The following HDAC11 variants were observed in gnomAD, a reference collection of about 807,000 sequenced individuals.
HDAC11 encodes histone deacetylase 11.
In HDAC11, 23 loss-of-function variants were observed where a neutral mutation model predicts 41.1. That is an observed-to-expected ratio of 0.56 (90% confidence interval 0.40 to 0.79). HDAC11 has a LOEUF of 0.79. HDAC11 is among the 30% of genes least tolerant of loss of function. The pLI, the probability that HDAC11 is intolerant of heterozygous loss-of-function variation, is 0.00. For synonymous variants in HDAC11, 187 were observed against 186.6 expected, an observed-to-expected ratio of 1.00 and a Z score of -0.02; for missense variants, 402 against 477.3, an observed-to-expected ratio of 0.84 and a Z score of 1.47.
intron 3 of HDAC11, among the ~76,000 whole-genome samples, chr3:13,490,476 TG>T (rs1408775609): frequency 4.6e-5 from 7 of 152,168 alleles, no homozygotes; most frequent in Admixed American, 4.6e-4. Flanking sequence ...TCCATGAACA[TG>T]GGATGTCTTT....
At chr3:13,489,004 C>G (rs1701725901) in intron 3 of HDAC11, among the ~76,000 whole-genome samples, 1 of 151,942 alleles carries the variant, frequency 6.6e-6, no homozygotes, top group South Asian at 2.1e-4. Flanking sequence ...TACCTAATGG[C>G]TAATTAACAC....
rs999935237 is a variant in HDAC11 at position 13,480,656 on chromosome 3, C to T, written c.2+307C>T. The T allele has an allele frequency of 2.3e-6, 1 of 429,600 alleles. No homozygotes were observed. Among genetic ancestry groups the T allele is most frequent in the Non-Finnish European group, 4.7e-6 (1 of 211,138 alleles). The allele number at this position is 429,600 out of a possible 1,614,324, so 26.6% of individuals were successfully genotyped here. ...CCAGCCCCCTGGCTACGCGGACGCC[C>T]CCACGGAGGCAGCCACTGGGGCGGA... On this transcript the variant is annotated intron_variant, in intron 1 of 9. Coordinates refer to ENST00000295757, the MANE Select transcript of HDAC11 (RefSeq NM_024827.4). This position sits in a 1 kb window ranked among gnomAD's most constrained non-coding sequence, Gnocchi z 4.6.
Position 13,502,824 on chromosome 3 carries a change from C to T in HDAC11, c.553-60C>T. 1 of 1,373,144 alleles carries T rather than the reference C, an allele frequency of 7.3e-7. No homozygotes were observed. Among genetic ancestry groups the T allele is most frequent in the Non-Finnish European group, 1.0e-6 (1 of 968,672 alleles). 85.1% of individuals were successfully genotyped at this position (1,373,144 alleles called of 1,614,324 possible). ...AGTTTCCTGAGGGGTGGGTGGGTGG[C>T]AGAGCCCCAGCCTTGCCTAGGGCAC... On this transcript the variant is annotated intron_variant, in intron 7 of 9. Coordinates refer to ENST00000295757, the MANE Select transcript of HDAC11 (RefSeq NM_024827.4). The surrounding 1 kb of genome is among the most constrained non-coding windows in gnomAD (Gnocchi z 4.1).
chr3:13,480,342 C>T lies in HDAC11; in HGVS notation c.-6C>T, dbSNP rs1701242905. ...TGCGGCCAGCTTTGGGAGGGCCGGCCCCGGGATGTGAGTGCCGCGGGGCGA... is the reference window on the plus strand; with the variant it reads ...TGCGGCCAGCTTTGGGAGGGCCGGCTCCGGGATGTGAGTGCCGCGGGGCGA... On this transcript the variant is annotated 5_prime_UTR_variant, in exon 1 of 10. Transcript: ENST00000295757. This position sits in a 1 kb window ranked among gnomAD's most constrained non-coding sequence, Gnocchi z 4.6. The T allele has an allele frequency of 1.6e-6, 2 of 1,222,568 alleles. No individual in the cohort carries two copies. The highest frequency in any genetic ancestry group is 4.0e-5 in the South Asian group (1 of 25,180). 75.7% of individuals were successfully genotyped at this position (1,222,568 alleles called of 1,614,324 possible).
chr3:13,503,069 A>G, intron 8 of HDAC11, 89 bp downstream of exon 8: 2 of 919,548 alleles, frequency 2.2e-6, no homozygotes, highest in Non-Finnish European at 3.5e-6. Context: ...GCCCTGCAGA[A>G]GCCACTGCAG....
intron 3 of HDAC11, among the ~76,000 whole-genome samples, chr3:13,488,522 G>A (rs1380102018): frequency 1.3e-5 from 2 of 152,132 alleles, no homozygotes; most frequent in African/African-American, 2.4e-5. Context: ...CATACAATAT[G>A]TGACCTTTTG....
rs747926873 is a variant in HDAC11 at position 13,483,488 on chromosome 3, T to C, written c.176T>C (p.Met59Thr). The change falls in exon 3 of 10, where the codon ATG becomes ACG. Residue 59 changes from methionine to threonine, a missense_variant. Met to Thr is a moderately conservative substitution (Grantham distance 81). Transcript: ENST00000295757. ...LKEEKLLSDS[M>T]LVEAREASEE... The stretch of plus-strand genomic sequence containing the variant: ...GAAGAGAAGCTTCTGTCTGACAGCA[T>C]GCTGGTGGAGGCGCGGGAGGCCTCG... 29 of 1,613,878 alleles carry C rather than the reference T, an allele frequency of 1.8e-5. No individual in the cohort carries two copies. In the South Asian group the frequency reaches 3.1e-4, roughly 17 times the overall value.
At chr3:13,492,042 A>C (rs536473680) in intron 3 of HDAC11, among the ~76,000 whole-genome samples, 1 of 152,356 alleles carries the variant, frequency 6.6e-6, no homozygotes, top group East Asian at 1.9e-4. Context: ...CCACATCCCT[A>C]GAAGCAGAGT....
In HDAC11 at chr3:13,486,476, A is replaced by G. The variant is rs1190388672; in HGVS notation, c.252+2912A>G. On this transcript the variant is annotated intron_variant, in intron 3 of 9. Coordinates refer to ENST00000295757, the MANE Select transcript of HDAC11 (RefSeq NM_024827.4). ...CCAAGGGCTATGAAGAAAGTGAAAA[A>G]TAGAGGGTAATTGGATGGTCAGGGA... Among the ~76,000 whole-genome samples the G allele has an allele frequency of 5.3e-5, 8 of 151,902 alleles. No homozygotes were observed. In the East Asian group the frequency reaches 1.5e-3, roughly 29 times the overall value.
chr3:13,502,814 G>A lies in HDAC11; in HGVS notation c.553-70G>A. 6 of 1,202,302 alleles carry A rather than the reference G, an allele frequency of 5.0e-6. No homozygotes were observed. Among genetic ancestry groups the A allele is most frequent in the Non-Finnish European group, 7.4e-6 (6 of 815,466 alleles). The allele number at this position is 1,202,302 out of a possible 1,614,324, so 74.5% of individuals were successfully genotyped here. On this transcript the variant is annotated intron_variant, in intron 7 of 9. Transcript: ENST00000295757. The surrounding 1 kb of genome is among the most constrained non-coding windows in gnomAD (Gnocchi z 4.1). The stretch of plus-strand genomic sequence containing the variant: ...GCAAATGGGGAGTTTCCTGAGGGGT[G>A]GGTGGGTGGCAGAGCCCCAGCCTTG...
chr3:13,504,669 C>T lies in HDAC11; in HGVS notation c.1030C>T (p.Pro344Ser). Reference protein sequence around the residue: ...AQNSDTPLLPPAVP With the variant: ...AQNSDTPLLPSAVP Reference sequence around the variant, plus strand: ...GAACTCAGACACACCGCTGCTTCCCCCTGCAGTGCCCTGACCCTTGCTGCC... The same window carrying T: ...GAACTCAGACACACCGCTGCTTCCCTCTGCAGTGCCCTGACCCTTGCTGCC... The change falls in exon 10 of 10, where the codon CCT becomes TCT. Residue 344 changes from proline (P) to serine (S), a missense_variant. Physicochemically the swap from Pro to Ser is moderately conservative, Grantham distance 74. Coordinates refer to ENST00000295757, the MANE Select transcript of HDAC11 (RefSeq NM_024827.4). 1 of 1,613,644 alleles carries T rather than the reference C, an allele frequency of 6.2e-7. No homozygotes were observed. The highest frequency in any genetic ancestry group is 8.5e-7 in the Non-Finnish European group (1 of 1,179,886).
At chr3:13,488,442 C>G (rs1289611216) in intron 3 of HDAC11, among the ~76,000 whole-genome samples, 1 of 152,158 alleles carries the variant, frequency 6.6e-6, no homozygotes, top group Admixed American at 6.5e-5. Context: ...CCCAAGTCCC[C>G]TTGGTAATCA....
At chr3:13,499,368 C>T (rs1184487086) in intron 5 of HDAC11, among the ~76,000 whole-genome samples, 1 of 152,132 alleles carries the variant, frequency 6.6e-6, no homozygotes, top group African/African-American at 2.4e-5. Flanking sequence ...AGGGTTTCTC[C>T]ATGTTGGTCA....
At chr3:13,487,495 A>G (rs972234941) in intron 3 of HDAC11, among the ~76,000 whole-genome samples, 1 of 152,248 alleles carries the variant, frequency 6.6e-6, no homozygotes, top group Non-Finnish European at 1.5e-5. Context: ...CAAGATGTCA[A>G]TTCAGGGAAA....
intron 2 of HDAC11, among the ~76,000 whole-genome samples, chr3:13,483,083 A>T (rs1701396723): frequency 6.6e-6 from 1 of 151,484 alleles, no homozygotes; most frequent in South Asian, 2.1e-4. Context: ...ATTAAAAAAA[A>T]AAAAAGGGCG....
intron 3 of HDAC11, among the ~76,000 whole-genome samples, chr3:13,486,637 G>A (rs935949401): frequency 6.8e-6 from 1 of 145,992 alleles, no homozygotes; most frequent in African/African-American, 2.6e-5. Flanking sequence ...CGAGTACAGT[G>A]GTGCGATCTC....
At chr3:13,500,072 A>G (rs770721716) in intron 5 of HDAC11, among the ~76,000 whole-genome samples, 2 of 152,184 alleles carry the variant, frequency 1.3e-5, no homozygotes, top group Middle Eastern at 3.2e-3. Context: ...AGGAGCCAAC[A>G]GTAGCCTCCT....
At chr3:13,488,021 GT>G (rs1418672754) in intron 3 of HDAC11, among the ~76,000 whole-genome samples, 2 of 151,430 alleles carry the variant, frequency 1.3e-5, no homozygotes, top group Admixed American at 6.6e-5. Flanking sequence ...AGTGGGTGAT[GT>G]GGTCATCTGG....
In HDAC11 at chr3:13,500,793, T is replaced by A. The variant is rs1252566438; in HGVS notation, c.489+4T>A. 6.5e-7 allele frequency: 1 copy of A among 1,548,442 alleles called. No individual in the cohort carries two copies. The highest frequency in any genetic ancestry group is 8.8e-7 in the Non-Finnish European group (1 of 1,142,308). On this transcript the variant is annotated splice_donor_region_variant and intron_variant, in intron 6 of 9. Transcript: ENST00000295757. ...GGACATCACGCTCGCCATCAAGGTG[T>A]GTCTATGAGCAAGTGGGGTCTCGCC...
Sources: gnomAD v4.1 joint callset for allele counts (sites outside exome capture counted in the v4.1 genomes callset) on GRCh38, gnomAD v4.1.1 for gene constraint, Gnocchi (gnomAD v3.1) non-coding constraint, MANE v1.5 for transcripts, NCBI Gene and HGNC (gene_info 2026-07-23, HGNC 2026-07-21) for gene names.